COL11A2: variants seen among roughly 807,000 people sequenced by gnomAD.
COL11A2 encodes collagen alpha-2(XI) chain.
Under a neutral mutation model 273.4 loss-of-function variants are expected in COL11A2, and 116 were observed. The observed-to-expected ratio is 0.42, with a 90% CI of 0.36 to 0.49. COL11A2 has a LOEUF of 0.49. Ranked by LOEUF, COL11A2 falls within the 20% of genes least tolerant of loss-of-function variation. The pLI, the probability that COL11A2 is intolerant of heterozygous loss-of-function variation, is 0.00. For missense variants in COL11A2, 1,866 were observed against 2,309.0 expected (o/e 0.81, Z 3.93); for synonymous variants, 782 against 864.2 (o/e 0.90, Z 1.67).
At position 33,178,212 on chromosome 6, in the gene COL11A2, G is replaced by A. The variant is rs1291574528; in HGVS notation, c.1819-27C>T. 9.9e-6 allele frequency: 16 copies of A among 1,612,354 alleles called. No individual in the cohort carries two copies. The highest frequency in any genetic ancestry group is 1.7e-5 in the Admixed American group (1 of 59,960). On this transcript the variant is annotated intron_variant, in intron 20 of 65. Transcript: ENST00000341947. The surrounding 1 kb of genome is among the most constrained non-coding windows in gnomAD (Gnocchi z 4.6). ...TGCATTCACGGTGAGGGGAGGAGAC[G>A]GCATGAATGGATAAAACTGTGTCCC...
At chr6:33,187,122 C>T (rs755595520) in intron 4 of COL11A2, among the ~76,000 whole-genome samples, 1 of 152,198 alleles carries the variant, frequency 6.6e-6, no homozygotes. Context: ...GAATCAGGAC[C>T]AGATCCCAGG....
In COL11A2 at chr6:33,179,913, T is replaced by C. The variant is rs1771504507; in HGVS notation, c.1360-108A>G. On this transcript the variant is annotated intron_variant, in intron 12 of 65. Transcript: ENST00000341947. This position sits in a 1 kb window ranked among gnomAD's most constrained non-coding sequence, Gnocchi z 6.4. ...TGCCCCTTGCCCCAGGTTCTGCCCA[T>C]CCAGCATTTCCCATGGCTTCCAGAT... The C allele has an allele frequency of 3.9e-6, 4 of 1,023,214 alleles. No homozygotes were observed. Among genetic ancestry groups the C allele is most frequent in the Non-Finnish European group, 6.0e-6 (4 of 664,200 alleles). The allele number at this position is 1,023,214 out of a possible 1,614,324, so 63.4% of individuals were successfully genotyped here.
rs375329541 is a variant in COL11A2 at position 33,165,709 on chromosome 6, G to A, written c.4590C>T (p.Thr1530=). The A allele has an allele frequency of 8.1e-5, 131 of 1,610,866 alleles. No homozygotes were observed. Among genetic ancestry groups the A allele is most frequent in the East Asian group, 2.9e-4 (13 of 44,876 alleles). ...RLMQEDEAIP[T]GGAPGSPGGL... ...CCCCAGGACTGCCGGGGGCTCCCCC[G>A]GTCGGTATGGCCTCATCTTCCTGCA... The change falls in exon 63 of 66, where the codon ACC becomes ACT. Residue 1530 remains threonine (T), a synonymous_variant. Transcript: ENST00000341947. The surrounding 1 kb of genome is among the most constrained non-coding windows in gnomAD (Gnocchi z 7.7).
chr6:33,189,197 CGA>C lies in COL11A2; in HGVS notation c.233-11_233-10del. Reference sequence around the variant, plus strand: ...ATCTTTGGGAAATCCTCCTAGTAACCGAGAGAGATACACACAGAGTGAGAGGC... The same window carrying C: ...ATCTTTGGGAAATCCTCCTAGTAACCGAGAGATACACACAGAGTGAGAGGC... On this transcript the variant is annotated splice_polypyrimidine_tract_variant and intron_variant, in intron 2 of 65. Transcript: ENST00000341947. The surrounding 1 kb of genome is among the most constrained non-coding windows in gnomAD (Gnocchi z 5.6). 1 of 1,613,476 alleles carries C rather than the reference CGA, an allele frequency of 6.2e-7. No individual in the cohort carries two copies. Among genetic ancestry groups the C allele is most frequent in the Non-Finnish European group, 8.5e-7 (1 of 1,179,708 alleles).
rs747449291 is a variant in COL11A2 at position 33,167,458 on chromosome 6, G to A, written c.4090C>T (p.Pro1364Ser). ...GPAGPAGKPG[P>S]DGLRGLPGSV... ...CCTGGGAGCCCCCTCAGACCATCAG[G>A]GCCAGGTTTCCCTGCTGGGCCTGCA... The change falls in exon 56 of 66, where the codon CCT (proline) becomes TCT (serine). Residue 1364 changes from proline (P) to serine (S), a missense_variant. Pro to Ser is a moderately conservative substitution (Grantham distance 74). Coordinates refer to ENST00000341947, the MANE Select transcript of COL11A2 (RefSeq NM_080680.3). The surrounding 1 kb of genome is among the most constrained non-coding windows in gnomAD (Gnocchi z 6.1). The A allele has an allele frequency of 1.9e-6, 3 of 1,612,866 alleles. No individual in the cohort carries two copies. The highest frequency in any genetic ancestry group is 2.5e-6 in the Non-Finnish European group (3 of 1,180,016).
chr6:33,180,654 G>A lies in COL11A2; in HGVS notation c.1284+14C>T, dbSNP rs2150586007. On this transcript the variant is annotated intron_variant, in intron 11 of 65. Transcript: ENST00000341947. ...CCCCGAAGCTCCCCCGTCACATGGA[G>A]GACACCCCCTTACCCTCTCTCCAGG... 3 of 1,600,194 alleles carry A rather than the reference G, an allele frequency of 1.9e-6. No individual in the cohort carries two copies. Among genetic ancestry groups the A allele is most frequent in the African/African-American group, 2.7e-5 (2 of 74,766 alleles).
intron 29 of COL11A2, 149 bp downstream of exon 29, chr6:33,175,867 T>C: frequency 9.0e-7 from 1 of 1,106,820 alleles, no homozygotes; most frequent in Admixed American, 1.7e-5. Flanking sequence ...ACCATGGGGC[T>C]ATCATCCTGT....
intron 5 of COL11A2, among the ~76,000 whole-genome samples, chr6:33,186,083 T>C (rs1391527502): frequency 6.6e-6 from 1 of 151,840 alleles, no homozygotes; most frequent in Non-Finnish European, 1.5e-5. Context: ...CCAGACCCCA[T>C]CCAACCCAGG....
rs1272276115 is a variant in COL11A2 at position 33,166,088 on chromosome 6, G to T, written c.4428+83C>A. ...TCCTGGCTGGAATAAGGGGCTCCTT[G>T]GGGGGAGTCTATTTGTCCTGGAGAG... On this transcript the variant is annotated intron_variant, in intron 61 of 65. Coordinates refer to ENST00000341947, the MANE Select transcript of COL11A2 (RefSeq NM_080680.3). This position sits in a 1 kb window ranked among gnomAD's most constrained non-coding sequence, Gnocchi z 4.8. 6.2e-7 allele frequency: 1 copy of T among 1,600,530 alleles called. No individual in the cohort carries two copies. The highest frequency in any genetic ancestry group is 8.5e-7 in the Non-Finnish European group (1 of 1,171,860).
At chr6:33,174,399 A>G in intron 31 of COL11A2, 128 bp downstream of exon 31, 1 of 1,393,366 alleles carries the variant, frequency 7.2e-7, no homozygotes, top group South Asian at 1.2e-5. Context: ...CATCTGTAAA[A>G]TGGGGGTCAG....
chr6:33,167,411 C>T lies in COL11A2; in HGVS notation c.4122+15G>A. The T allele has an allele frequency of 6.2e-7, 1 of 1,612,790 alleles. No individual in the cohort carries two copies. Among genetic ancestry groups the T allele is most frequent in the Non-Finnish European group, 8.5e-7 (1 of 1,179,942 alleles). On this transcript the variant is annotated intron_variant, in intron 56 of 65. Coordinates refer to ENST00000341947, the MANE Select transcript of COL11A2 (RefSeq NM_080680.3). This position sits in a 1 kb window ranked among gnomAD's most constrained non-coding sequence, Gnocchi z 6.1. ...CACTCCCACCCCAGCCCAGCCCTTC[C>T]CTGCAGTGACTCACCACTGAGCCTG...
At position 33,176,287 on chromosome 6, in the gene COL11A2, C is replaced by T. The variant is rs61730262; in HGVS notation, c.2186G>A (p.Arg729Gln). 6.8e-4 allele frequency: 1,100 copies of T among 1,606,962 alleles called. 7 individuals carry two copies. In the African/African-American group the frequency reaches 0.012, roughly 17 times the overall value. Reference protein sequence around the residue: ...PRGVKGVDGIRGLKGHKGEKG... With the variant: ...PRGVKGVDGIQGLKGHKGEKG... ...CTCACCCTTATGACCCTTCAGACCC[C>T]GAATTCCGTCCACACCCTAGAATTA... The change falls in exon 28 of 66, where the codon CGG becomes CAG. Residue 729 changes from arginine to glutamine, a missense_variant. Physicochemically the swap from Arg to Gln is conservative, Grantham distance 43. Transcript: ENST00000341947. This position sits in a 1 kb window ranked among gnomAD's most constrained non-coding sequence, Gnocchi z 4.9.
Position 33,192,297 on chromosome 6 carries a change from T to A in COL11A2, c.-57A>T. On this transcript the variant is annotated 5_prime_UTR_variant, in exon 1 of 66. Coordinates refer to ENST00000341947, the MANE Select transcript of COL11A2 (RefSeq NM_080680.3). ...ACCCAGGTCGGCCTGAGACGCTGGA[T>A]GCCCTGAGGCTGACAGAAGACAGGG... The A allele has an allele frequency of 6.7e-7, 1 of 1,488,960 alleles. No individual in the cohort carries two copies. Among genetic ancestry groups the A allele is most frequent in the Non-Finnish European group, 9.1e-7 (1 of 1,093,922 alleles). The allele number at this position is 1,488,960 out of a possible 1,614,324, so 92.2% of individuals were successfully genotyped here. A position where few individuals can be genotyped will look rare whatever the true frequency, so the allele number is the denominator to read the frequency against.
chr6:33,184,904 C>G, intron 7 of COL11A2, 88 bp downstream of exon 7: 2 of 1,096,388 alleles, frequency 1.8e-6, no homozygotes, highest in Non-Finnish European at 2.7e-6. Flanking sequence ...AGAGGAGGGG[C>G]TGGTCCATCA....
chr6:33,163,490 C>T lies in COL11A2; in HGVS notation c.*188G>A. On this transcript the variant is annotated 3_prime_UTR_variant, in exon 66 of 66. Transcript: ENST00000341947. This position sits in a 1 kb window ranked among gnomAD's most constrained non-coding sequence, Gnocchi z 4.1. ...GGAGGGCCAAGAGCCCCAGATGCCA[C>T]TCCTCCCGTGGGGTGTCCAGGCAAC... 2 of 755,458 alleles carry T rather than the reference C, an allele frequency of 2.6e-6. No homozygotes were observed. Among genetic ancestry groups the T allele is most frequent in the Non-Finnish European group, 4.3e-6 (2 of 459,910 alleles). The allele number at this position is 755,458 out of a possible 1,614,324, so 46.8% of individuals were successfully genotyped here.
chr6:33,165,016 G>A lies in COL11A2; in HGVS notation c.4751-52C>T. The A allele has an allele frequency of 7.2e-7, 1 of 1,393,540 alleles. No individual in the cohort carries two copies. 86.3% of individuals were successfully genotyped at this position (1,393,540 alleles called of 1,614,324 possible). On this transcript the variant is annotated intron_variant, in intron 63 of 65. Coordinates refer to ENST00000341947, the MANE Select transcript of COL11A2 (RefSeq NM_080680.3). The surrounding 1 kb of genome is among the most constrained non-coding windows in gnomAD (Gnocchi z 7.7). ...AGGGCCACCTAGGTCCAGGCTCCAAGATGCTCTTTGCCCCCACATTCCCTC... is the reference window on the plus strand; with the variant it reads ...AGGGCCACCTAGGTCCAGGCTCCAAAATGCTCTTTGCCCCCACATTCCCTC...
rs1457544960 is a variant in COL11A2, at chr6:33,174,017, G to A, written c.2523C>T (p.Gly841=). 2.5e-6 allele frequency: 4 copies of A among 1,613,876 alleles called. No individual in the cohort carries two copies. The highest frequency in any genetic ancestry group is 3.4e-6 in the Non-Finnish European group (4 of 1,179,990). The part of the protein sequence containing the change: ...SGKSGPRGER[G]PTGPRGQRGP... Reference sequence around the variant, plus strand: ...TTCTCTCCCCTGCACTCACCGTGGGGCCCCGTTCTCCCCGAGGCCCTGACT... The same window carrying A: ...TTCTCTCCCCTGCACTCACCGTGGGACCCCGTTCTCCCCGAGGCCCTGACT... The change falls in exon 33 of 66, where the codon GGC becomes GGT. Residue 841 remains glycine, a synonymous_variant. Coordinates refer to ENST00000341947, the MANE Select transcript of COL11A2 (RefSeq NM_080680.3).
chr6:33,178,251 T>TC lies in COL11A2; in HGVS notation c.1818+56dup. ...AAACTGTGTCCCTTTAGTGCTCATGTCCCCCTCCTGGCTTCCCCAGAGCCC... is the reference window on the plus strand; with the variant it reads ...AAACTGTGTCCCTTTAGTGCTCATGTCCCCCCTCCTGGCTTCCCCAGAGCCC... On this transcript the variant is annotated intron_variant, in intron 20 of 65. Coordinates refer to ENST00000341947, the MANE Select transcript of COL11A2 (RefSeq NM_080680.3). This position sits in a 1 kb window ranked among gnomAD's most constrained non-coding sequence, Gnocchi z 4.6. 1.9e-6 allele frequency: 3 copies of TC among 1,611,778 alleles called. No individual in the cohort carries two copies. Among genetic ancestry groups the TC allele is most frequent in the Non-Finnish European group, 2.5e-6 (3 of 1,179,652 alleles).
At position 33,181,156 on chromosome 6, in the gene COL11A2, G is replaced by A. The variant is rs2150588538; in HGVS notation, c.1134C>T (p.Pro378=). 2 of 1,614,120 alleles carry A rather than the reference G, an allele frequency of 1.2e-6. No individual in the cohort carries two copies. The highest frequency in any genetic ancestry group is 1.7e-6 in the Non-Finnish European group (2 of 1,180,022). ...CTCCTTTCTCTCCCTTCAGCCCTCG[G>A]GGTCCATGGGCAGCCTGAAGGAGAC... is the stretch of plus-strand genomic sequence containing the variant. ...TAHSGAAAHG[P]RGLKGEKGEP... Residue 378 remains proline (P), a synonymous_variant, in exon 9 of 66, where the codon CCC becomes CCT. Coordinates refer to ENST00000341947, the MANE Select transcript of COL11A2 (RefSeq NM_080680.3).
Sources: gnomAD v4.1 joint callset for allele counts (sites outside exome capture counted in the v4.1 genomes callset) on GRCh38, gnomAD v4.1.1 for gene constraint, Gnocchi (gnomAD v3.1) non-coding constraint, MANE v1.5 for transcripts, NCBI Gene and HGNC (gene_info 2026-07-23, HGNC 2026-07-21) for gene names.